The following HYAL4 variants were observed in gnomAD, a reference collection of about 807,000 sequenced individuals.
The protein encoded by HYAL4 is hyaluronidase 4.
In HYAL4, 37 loss-of-function variants were observed where a neutral mutation model predicts 35.2. The ratio of observed to expected loss-of-function variants is 1.05; its 90% CI spans 0.81 to 1.38. The LOEUF (loss-of-function observed/expected upper bound fraction) is 1.38, where lower values mean the gene tolerates loss of function less well. HYAL4 is among the 40% of genes most tolerant of loss of function. The probability of loss-of-function intolerance (pLI) is 0.00; values close to 1 mark genes in which losing one functional copy is unlikely to be tolerated. For missense variants in HYAL4, 572 were observed against 572.4 expected, an observed-to-expected ratio of 1.00 and a Z score of 0.01; for synonymous variants, 198 against 203.2, an observed-to-expected ratio of 0.97 and a Z score of 0.22.
At chr7:123,787,913 T>C in the HYAL4 span, among the ~76,000 whole-genome samples, 17 of 152,218 alleles carry the variant, frequency 1.1e-4, no homozygotes, top group Non-Finnish European at 2.1e-4. Flanking sequence ...ACCAGTTGGT[T>C]TGTTGTGTGC....
chr7:123,872,884 G>A (rs1806919239), intron 3 of HYAL4, among the ~76,000 whole-genome samples: 1 of 152,170 alleles, frequency 6.6e-6, no homozygotes, highest in South Asian at 2.1e-4. Context: ...AACCTCAGAA[G>A]GTGTGGCTTT....
At chr7:123,842,610 CATT>C (rs887386245), upstream of HYAL4, among the ~76,000 whole-genome samples, 1 of 151,968 alleles carries the variant, frequency 6.6e-6, no homozygotes, top group South Asian at 2.1e-4. Context: ...TAAAGTCTCC[CATT>C]ATTATTGTGT....
At chr7:123,803,525 C>G in the HYAL4 span, among the ~76,000 whole-genome samples, 1 of 152,184 alleles carries the variant, frequency 6.6e-6, no homozygotes, top group East Asian at 1.9e-4. Flanking sequence ...GTACACTATA[C>G]CGTCCTCCCA....
chr7:123,822,809 G>C, the HYAL4 span, among the ~76,000 whole-genome samples: 1 of 151,998 alleles, frequency 6.6e-6, no homozygotes, highest in Non-Finnish European at 1.5e-5. Flanking sequence ...AGGTAAAAAA[G>C]AAAAAACTAG....
intron 3 of HYAL4, among the ~76,000 whole-genome samples, chr7:123,870,346 A>G (rs1472277298): frequency 6.6e-6 from 1 of 152,234 alleles, no homozygotes; most frequent in African/African-American, 2.4e-5. Flanking sequence ...AACATCACTC[A>G]TGAGGTGAAG....
chr7:123,803,875 T>G, the HYAL4 span, among the ~76,000 whole-genome samples: 1 of 152,212 alleles, frequency 6.6e-6, no homozygotes, highest in Non-Finnish European at 1.5e-5. Context: ...GAAATTCTGC[T>G]TATGTTTCAA....
intron 2 of HYAL4, among the ~76,000 whole-genome samples, chr7:123,861,740 A>C (rs1051813800): frequency 1.3e-5 from 2 of 152,280 alleles, no homozygotes; most frequent in African/African-American, 4.8e-5. Context: ...AGAAGACTGG[A>C]AAGGAAACAA....
Position 123,877,239 on chromosome 7 carries a change from A to C in HYAL4, c.*84A>C. ...TAACTTATAACATTTTTTTTCTCTTATGAATTCTATTGAGAGATATTATAA... is the reference window on the plus strand; with the variant it reads ...TAACTTATAACATTTTTTTTCTCTTCTGAATTCTATTGAGAGATATTATAA... On this transcript the variant is annotated 3_prime_UTR_variant, in exon 5 of 5. Coordinates refer to ENST00000223026, the MANE Select transcript of HYAL4 (RefSeq NM_012269.3). 7.7e-7 allele frequency: 1 copy of C among 1,305,370 alleles called. No homozygotes were observed. Among genetic ancestry groups the C allele is most frequent in the Non-Finnish European group, 1.1e-6 (1 of 945,414 alleles). The allele number at this position is 1,305,370 out of a possible 1,614,324, so 80.9% of individuals were successfully genotyped here. A position where few individuals can be genotyped will look rare whatever the true frequency, so the allele number is the denominator to read the frequency against.
At chr7:123,803,135 A>G in the HYAL4 span, among the ~76,000 whole-genome samples, 1 of 152,236 alleles carries the variant, frequency 6.6e-6, no homozygotes, top group Non-Finnish European at 1.5e-5. Flanking sequence ...TAAAGAGGCC[A>G]CAGACTCCAT....
intron 2 of HYAL4, among the ~76,000 whole-genome samples, chr7:123,851,346 C>T (rs1344311215): frequency 6.6e-6 from 1 of 151,996 alleles, no homozygotes; most frequent in African/African-American, 2.4e-5. Flanking sequence ...TGCACCAATC[C>T]ACCTGTCATC....
the HYAL4 span, among the ~76,000 whole-genome samples, chr7:123,821,345 A>G: frequency 6.6e-6 from 1 of 152,118 alleles, no homozygotes; most frequent in Admixed American, 6.6e-5. Context: ...AATAATACCC[A>G]TCCTAACAGG....
the HYAL4 span, among the ~76,000 whole-genome samples, chr7:123,799,873 A>C: frequency 5.9e-5 from 9 of 152,132 alleles, no homozygotes; most frequent in South Asian, 1.9e-3. Context: ...TAAAAATAGA[A>C]GTCTTGCCTG....
intron 2 of HYAL4, among the ~76,000 whole-genome samples, chr7:123,853,518 A>G (rs1339780521): frequency 1.3e-5 from 2 of 152,074 alleles, no homozygotes; most frequent in Non-Finnish European, 2.9e-5. Flanking sequence ...CTGTTGATGT[A>G]TGGATTACGT....
the HYAL4 span, among the ~76,000 whole-genome samples, chr7:123,793,099 G>C: frequency 5.3e-5 from 8 of 152,206 alleles, no homozygotes; most frequent in Non-Finnish European, 1.0e-4. Context: ...CTGAGCATCA[G>C]TTGTGGTGTT....
the HYAL4 span, among the ~76,000 whole-genome samples, chr7:123,783,478 CAT>C: frequency 6.6e-6 from 1 of 151,934 alleles, no homozygotes; most frequent in Non-Finnish European, 1.5e-5. Context: ...GATATTAAAA[CAT>C]AGAGAAGGAA....
At chr7:123,847,769 C>G (rs1158626095) in intron 1 of HYAL4, among the ~76,000 whole-genome samples, 2 of 152,124 alleles carry the variant, frequency 1.3e-5, no homozygotes, top group Non-Finnish European at 2.9e-5. Context: ...CGAAGTGAGA[C>G]TCCGTCTAAA....
rs779861769 is a variant in HYAL4, at chr7:123,869,109, A to C, written c.836A>C (p.Lys279Thr). The C allele has an allele frequency of 6.8e-6, 11 of 1,613,984 alleles. No individual in the cohort carries two copies. The East Asian group carries it at 2.5e-4, about 36-fold the overall frequency. The change falls in exon 3 of 5, where the codon AAA becomes ACA. Residue 279 changes from lysine (K) to threonine (T), a missense_variant. Coordinates refer to ENST00000223026, the MANE Select transcript of HYAL4 (RefSeq NM_012269.3). ...GDSENILRFSKFRVHESMRIS... is the reference protein window; with the variant it reads ...GDSENILRFSTFRVHESMRIS... ...AGTGAAAACATTTTGCGCTTCTCCA[A>C]ATTTCGGGTGCATGAATCCATGAGG...
intron 3 of HYAL4, among the ~76,000 whole-genome samples, chr7:123,870,992 C>T (rs1806865968): frequency 6.6e-6 from 1 of 152,092 alleles, no homozygotes; most frequent in Non-Finnish European, 1.5e-5. Context: ...ACATTCTGCA[C>T]ATTCTGTGAA....
chr7:123,791,683 A>T, the HYAL4 span, among the ~76,000 whole-genome samples: 2 of 152,214 alleles, frequency 1.3e-5, no homozygotes, highest in South Asian at 4.1e-4. Context: ...ATGGCAGCTC[A>T]GTCTTCCAAA....
Sources: allele counts gnomAD v4.1 joint callset (sites outside exome capture counted in the v4.1 genomes callset), GRCh38; gene constraint gnomAD v4.1.1; transcripts MANE v1.5; gene names NCBI Gene and HGNC (gene_info 2026-07-23, HGNC 2026-07-21).